Variants in PCLO observed in about 807,000 individuals in gnomAD.
The protein encoded by PCLO is protein piccolo.
In PCLO, 82 loss-of-function variants were observed where a neutral mutation model predicts 427.5. The ratio of observed to expected loss-of-function variants is 0.19; its 90% CI spans 0.16 to 0.23. The LOEUF (loss-of-function observed/expected upper bound fraction) is 0.23. Ranked by LOEUF, PCLO falls within the 10% of genes least tolerant of loss-of-function variation. The pLI is 1.00. For synonymous variants in PCLO, 2,357 were observed against 2,155.4 expected (o/e 1.09, Z -2.59); for missense variants, 6,239 against 6,115.9 (o/e 1.02, Z -0.67).
chr7:83,158,869 G>T (rs80272569), intron 1 of PCLO, among the ~76,000 whole-genome samples: 8,249 of 151,936 alleles, frequency 0.054, 505 homozygotes, highest in East Asian at 0.25. Context: ...TCTTTGAGTG[G>T]GAAATGGAAA....
intron 9 of PCLO, among the ~76,000 whole-genome samples, chr7:82,885,334 A>G (rs1793603150): frequency 6.6e-6 from 1 of 152,076 alleles, no homozygotes; most frequent in Non-Finnish European, 1.5e-5. Context: ...CCTACAAGAG[A>G]CTGAATCCTA....
chr7:82,902,407 C>T (rs1027060088), intron 9 of PCLO, among the ~76,000 whole-genome samples: 1 of 151,720 alleles, frequency 6.6e-6, no homozygotes, highest in Non-Finnish European at 1.5e-5. Context: ...CGGGGAACAT[C>T]ACACACTGGG....
chr7:82,841,841 G>C (rs1320515245), intron 13 of PCLO, among the ~76,000 whole-genome samples: 1 of 152,026 alleles, frequency 6.6e-6, no homozygotes, highest in Non-Finnish European at 1.5e-5. Context: ...GATCTATACA[G>C]TAATGTTTAA....
chr7:83,144,136 A>G (rs1023354329), intron 2 of PCLO, among the ~76,000 whole-genome samples: 2 of 152,154 alleles, frequency 1.3e-5, no homozygotes, highest in Admixed American at 1.3e-4. Context: ...AAAATAGATG[A>G]AATCGCCAGG....
intron 16 of PCLO, among the ~76,000 whole-genome samples, chr7:82,830,967 C>G (rs935459896): frequency 6.6e-6 from 1 of 151,922 alleles, no homozygotes; most frequent in African/African-American, 2.4e-5. Context: ...TTGTAGATGT[C>G]TATCAACTAA....
In PCLO at chr7:82,954,466, T is replaced by A. The variant is rs570812444; in HGVS notation, c.6487A>T (p.Ile2163Phe). 4.5e-4 allele frequency: 726 copies of A among 1,613,976 alleles called. 12 individuals carry two copies. In the South Asian group the frequency reaches 7.6e-3, roughly 17 times the overall value. ...TCTGAAGGCTCCGAGTAGGTCAAAA[T>A]CAGCGATTCATGGGCAATTATCTCT... ...IQEIIAHESLILTYSEPSESA... is the reference protein window; with the variant it reads ...IQEIIAHESLFLTYSEPSESA... The change falls in exon 5 of 25, where the codon ATT becomes TTT. Residue 2163 changes from isoleucine to phenylalanine, a missense_variant. By Grantham distance (21) the Ile-to-Phe change is conservative. Around this residue, in one of 5 missense-constraint regions of PCLO, gnomAD observed 4,677 missense variants for 4,468.4 expected, o/e 1.05. Coordinates refer to ENST00000333891, the MANE Select transcript of PCLO (RefSeq NM_033026.6).
chr7:83,015,324 G>GT (rs905704351), intron 3 of PCLO, among the ~76,000 whole-genome samples: 46 of 147,172 alleles, frequency 3.1e-4, no homozygotes, highest in South Asian at 4.3e-4. Context: ...CTAGGTCTAG[G>GT]TTTTTTTTTT....
intron 23 of PCLO, 93 bp downstream of exon 23, chr7:82,761,266 A>G: frequency 1.5e-6 from 1 of 668,380 alleles, no homozygotes; most frequent in South Asian, 2.2e-5. Context: ...TATTTGGTGT[A>G]CAGTTCAAAT....
At position 83,156,172 on chromosome 7, in the gene PCLO, G is replaced by T; in HGVS notation, c.469C>A (p.Leu157Ile). 1 of 1,613,636 alleles carries T rather than the reference G, an allele frequency of 6.2e-7. No homozygotes were observed. Among genetic ancestry groups the T allele is most frequent in the Non-Finnish European group, 8.5e-7 (1 of 1,179,662 alleles). Residue 157 changes from leucine (L) to isoleucine (I), a missense_variant, in exon 2 of 25, where the codon CTC becomes ATC. Leu to Ile is a conservative substitution (Grantham distance 5, BLOSUM62 2). This residue lies in a region of PCLO where 4,677 missense variants were observed against 4,468.4 expected (regional missense o/e 1.05). Transcript: ENST00000333891. ...GCACTTAAAGCGTTAACCTCTGAGA[G>T]GAAGCCAGGCATCATACTAGACTTG... ...EHKSSMMPGF[L>I]SEVNALSAVS...
At chr7:82,816,747 C>T (rs753453570) in intron 20 of PCLO, among the ~76,000 whole-genome samples, 2 of 152,070 alleles carry the variant, frequency 1.3e-5, no homozygotes, top group Non-Finnish European at 2.9e-5. Context: ...GTTGGTCTTA[C>T]TTTTCACGTC....
Position 82,911,812 on chromosome 7 carries a change from G to A in PCLO, c.13301-2799C>T, listed in dbSNP as rs143982153. Among the ~76,000 whole-genome samples, 882 of 152,090 alleles carry A rather than the reference G, an allele frequency of 5.8e-3. 12 individuals are homozygous for A. Among genetic ancestry groups the A allele is most frequent in the African/African-American group, 0.02 (832 of 41,496 alleles). On this transcript the variant is annotated intron_variant, in intron 7 of 24. Transcript: ENST00000333891. ...TAATTTTTGTATTTTTAGTAGAGAT[G>A]GGGTTTCACCATGTTGGCTAGGATG...
At position 82,838,275 on chromosome 7, in the gene PCLO, C is replaced by A. The variant is rs948339234; in HGVS notation, c.14165G>T (p.Arg4722Leu). ...AGGGTCAGAATAACCATTGTTGTCT[C>A]GAGGAACAAGATTTCTTGCTTGGAG... ...HILQARNLVP[R>L]DNNGYSDPFV... Residue 4722 changes from arginine to leucine, a missense_variant, in exon 15 of 25, where the codon CGA becomes CTA. Coordinates refer to ENST00000333891, the MANE Select transcript of PCLO (RefSeq NM_033026.6). The A allele has an allele frequency of 1.3e-6, 2 of 1,584,808 alleles. No individual in the cohort carries two copies. Among genetic ancestry groups the A allele is most frequent in the Non-Finnish European group, 1.7e-6 (2 of 1,158,794 alleles).
intron 6 of PCLO, among the ~76,000 whole-genome samples, chr7:82,935,045 T>C (rs1247882735): frequency 6.6e-6 from 1 of 151,044 alleles, no homozygotes; most frequent in Non-Finnish European, 1.5e-5. Context: ...GATTTTTTCA[T>C]ATAAGGGTTC....
intron 3 of PCLO, among the ~76,000 whole-genome samples, chr7:83,050,747 T>TAA (rs71522639): frequency 0.01 from 1,419 of 141,516 alleles, 13 homozygotes; most frequent in Non-Finnish European, 0.014. Flanking sequence ...TACTAAAAAT[T>TAA]AAAAAAAAAA....
chr7:82,879,213 CAACT>C (rs748347578), intron 10 of PCLO, 120 bp downstream of exon 10: 179 of 702,564 alleles, frequency 2.5e-4, no homozygotes, highest in Non-Finnish European at 3.7e-4. Context: ...CAAAATTTCA[CAACT>C]AACCATAAGG....
intron 4 of PCLO, among the ~76,000 whole-genome samples, chr7:82,961,870 G>A (rs1159087410): frequency 6.6e-6 from 1 of 152,126 alleles, no homozygotes; most frequent in Non-Finnish European, 1.5e-5. Flanking sequence ...AACTAAACCA[G>A]CTTTCCTATA....
intron 16 of PCLO, among the ~76,000 whole-genome samples, chr7:82,828,976 C>T (rs2115694837): frequency 6.6e-6 from 1 of 152,258 alleles, no homozygotes; most frequent in Non-Finnish European, 1.5e-5. Flanking sequence ...GGGGGCTGGA[C>T]CCTGACTCTT....
chr7:82,964,352 A>G (rs1795718093), intron 4 of PCLO, among the ~76,000 whole-genome samples: 1 of 152,096 alleles, frequency 6.6e-6, no homozygotes, highest in Admixed American at 6.5e-5. Context: ...AGTGGAAAAG[A>G]GTCAGACATA....
chr7:82,978,041 C>G (rs967892593), intron 3 of PCLO, among the ~76,000 whole-genome samples: 1 of 151,642 alleles, frequency 6.6e-6, no homozygotes, highest in African/African-American at 2.4e-5. Flanking sequence ...GTTTTAGTAC[C>G]ATTTGCAAGG....
Sources: allele counts gnomAD v4.1 joint callset (sites outside exome capture counted in the v4.1 genomes callset), GRCh38; gene constraint gnomAD v4.1.1; regional missense constraint gnomAD v4.1.1; transcripts MANE v1.5; gene names NCBI Gene and HGNC (gene_info 2026-07-23, HGNC 2026-07-21).